Variants in VLDLR observed in about 807,000 individuals in gnomAD.
VLDLR encodes very low-density lipoprotein receptor.
VLDLR carries 81 observed loss-of-function variants against 112.7 expected under a neutral mutation model. The observed-to-expected ratio is 0.72, with a 90% CI of 0.60 to 0.86. VLDLR has a LOEUF of 0.86. VLDLR is among the 40% of genes least tolerant of loss of function. The pLI is 0.00. For synonymous variants in VLDLR, 436 were observed against 384.8 expected (o/e 1.13, Z -1.56); for missense variants, 1,237 against 1,099.4 (o/e 1.13, Z -1.77).
In VLDLR at chr9:2,641,451, T is replaced by C. The variant is rs1817819359; in HGVS notation, c.400T>C (p.Cys134Arg). 3 of 1,614,142 alleles carry C rather than the reference T, an allele frequency of 1.9e-6. No individual in the cohort carries two copies. The highest frequency in any genetic ancestry group is 2.5e-6 in the Non-Finnish European group (3 of 1,180,016). The part of the protein sequence containing the change: ...STQCIPVSWR[C>R]DGENDCDSGE... Reference sequence around the variant, plus strand: ...TCAGTGTATCCCAGTGTCCTGGAGATGTGATGGTGAAAATGATTGTGACAG... The same window carrying C: ...TCAGTGTATCCCAGTGTCCTGGAGACGTGATGGTGAAAATGATTGTGACAG... Residue 134 changes from cysteine to arginine, a missense_variant, in exon 4 of 19, where the codon TGT (cysteine) becomes CGT (arginine). By Grantham distance (180) the Cys-to-Arg change is radical. Coordinates refer to ENST00000382100, the MANE Select transcript of VLDLR (RefSeq NM_003383.5).
Position 2,650,419 on chromosome 9 carries a change from A to T in VLDLR, c.2154A>T (p.Leu718=), listed in dbSNP as rs746506982. 2 of 1,613,982 alleles carry T rather than the reference A, an allele frequency of 1.2e-6. No individual in the cohort carries two copies. Among genetic ancestry groups the T allele is most frequent in the African/African-American group, 1.3e-5 (1 of 74,894 alleles). The change falls in exon 15 of 19, where the codon CTA becomes CTT. Residue 718 remains leucine (L), a synonymous_variant. Coordinates refer to ENST00000382100, the MANE Select transcript of VLDLR (RefSeq NM_003383.5). The part of the protein sequence containing the change: ...EDMENGGCEY[L]CLPAPQINDH... ...TGGAGAATGGAGGATGTGAATACCT[A>T]TGCCTGCCAGCACCACAGATTAATG...
At chr9:2,646,265 C>A in intron 10 of VLDLR, 69 bp from the exon 11 acceptor site, 2 of 1,512,070 alleles carry the variant, frequency 1.3e-6, no homozygotes. Context: ...ATTTTGTAAG[C>A]AAAAAGTCCA....
chr9:2,647,726 A>T lies in VLDLR; in HGVS notation c.1822+134A>T, dbSNP rs867784743. On this transcript the variant is annotated intron_variant, in intron 12 of 18. Coordinates refer to ENST00000382100, the MANE Select transcript of VLDLR (RefSeq NM_003383.5). The stretch of plus-strand genomic sequence containing the variant: ...AATTCTAGCAGGAATTTTCAATGGG[A>T]GTAACTGAACAACACAAGTAAAATG... The T allele has an allele frequency of 4.9e-6, 4 of 814,962 alleles. No homozygotes were observed. The South Asian group carries it at 5.5e-5, about 11-fold the overall frequency. 50.5% of individuals were successfully genotyped at this position (814,962 alleles called of 1,614,324 possible). A position where few individuals can be genotyped will look rare whatever the true frequency, so the allele number is the denominator to read the frequency against.
rs760510442 is a variant in VLDLR at position 2,648,264 on chromosome 9, G to A, written c.1879G>A (p.Val627Met). 15 of 1,614,026 alleles carry A rather than the reference G, an allele frequency of 9.3e-6. No homozygotes were observed. The highest frequency in any genetic ancestry group is 1.6e-4 in the Middle Eastern group (1 of 6,084). The part of the protein sequence containing the change: ...LDSKLHMLSS[V>M]DLNGQDRRIV... Reference sequence around the variant, plus strand: ...TTCTAAGTTGCACATGTTATCCAGCGTGGACTTGAATGGCCAAGATCGTAG... The same window carrying A: ...TTCTAAGTTGCACATGTTATCCAGCATGGACTTGAATGGCCAAGATCGTAG... The change falls in exon 13 of 19, where the codon GTG (valine) becomes ATG (methionine). Residue 627 changes from valine (V) to methionine (M), a missense_variant. Physicochemically the swap from Val to Met is conservative, Grantham distance 21. Coordinates refer to ENST00000382100, the MANE Select transcript of VLDLR (RefSeq NM_003383.5).
At chr9:2,635,424 C>G (rs767157675) in intron 1 of VLDLR, 29 bp from the exon 2 acceptor site, 1 of 1,613,566 alleles carries the variant, frequency 6.2e-7, no homozygotes, top group South Asian at 1.1e-5. Context: ...CCAATCCTTG[C>G]TTTACCGAAT....
At position 2,633,051 on chromosome 9, in the gene VLDLR, A is replaced by AGAGAGT. The variant is rs1460780869; in HGVS notation, c.83-2401_83-2400insAGAGTG. Among the ~76,000 whole-genome samples the AGAGAGT allele has an allele frequency of 1.2e-4, 14 of 115,468 alleles. No homozygotes were observed. In the East Asian group the frequency reaches 2.0e-3, roughly 16 times the overall value. The allele number at this position is 115,468 out of a possible 152,430, so 75.8% of individuals were successfully genotyped here. A position where few individuals can be genotyped will look rare whatever the true frequency, so the allele number is the denominator to read the frequency against. On this transcript the variant is annotated intron_variant, in intron 1 of 18. Coordinates refer to ENST00000382100, the MANE Select transcript of VLDLR (RefSeq NM_003383.5). Reference sequence around the variant, plus strand: ...TTATTGGAGAGAGAGAGAGAGAGAGAGTGTGTGTGTGTGTGTGTGTGTGTG... The same window carrying AGAGAGT: ...TTATTGGAGAGAGAGAGAGAGAGAGAGAGAGTGTGTGTGTGTGTGTGTGTGTGTGTG...
At chr9:2,622,417 G>A in intron 1 of VLDLR, 146 bp downstream of exon 1, 1 of 688,418 alleles carries the variant, frequency 1.5e-6, no homozygotes, top group Non-Finnish European at 2.1e-6. Flanking sequence ...CTCCGTGGTG[G>A]CGCCTCTGAG....
chr9:2,652,752 C>T (rs1393349298), intron 17 of VLDLR, 28 bp from the exon 18 acceptor site: 15 of 1,613,862 alleles, frequency 9.3e-6, no homozygotes, highest in Non-Finnish European at 1.0e-5. Flanking sequence ...AGACTTAGCT[C>T]ACTTAGCTAC....
intron 1 of VLDLR, among the ~76,000 whole-genome samples, chr9:2,626,364 A>C (rs1447330349): frequency 3.3e-5 from 5 of 152,208 alleles, no homozygotes. Flanking sequence ...TCAGGTGTGG[A>C]ATTTCCACAC....
intron 2 of VLDLR, 71 bp from the exon 3 acceptor site, chr9:2,639,788 T>G (rs1817747573): frequency 6.8e-6 from 11 of 1,608,880 alleles, no homozygotes; most frequent in African/African-American, 4.0e-5. Flanking sequence ...AAATGCAGTA[T>G]GAGCCCTCAT....
At chr9:2,645,854 T>C in intron 10 of VLDLR, 109 bp downstream of exon 10, 1 of 1,257,640 alleles carries the variant, frequency 8.0e-7, no homozygotes, top group South Asian at 1.2e-5. Context: ...CCATCTAGCA[T>C]CGAATTACCT....
In VLDLR at chr9:2,643,470, TAAG is replaced by T; in HGVS notation, c.763_765del (p.Lys255del). 6.2e-7 allele frequency: 1 copy of T among 1,614,106 alleles called. No individual in the cohort carries two copies. The stretch of plus-strand genomic sequence containing the variant: ...AGTGCGGCTCTGGCGAGTGCATCCA[TAAG>T]AAGTGGCGATGTGATGGGGACCCTG... On this transcript the variant is annotated inframe_deletion, in exon 5 of 19. Coordinates refer to ENST00000382100, the MANE Select transcript of VLDLR (RefSeq NM_003383.5).
In VLDLR at chr9:2,654,829, G is replaced by C. The variant is rs1031437532; in HGVS notation, c.*961G>C. 2 of 152,106 alleles carry C rather than the reference G, an allele frequency of 1.3e-5. No homozygotes were observed. Among genetic ancestry groups the C allele is most frequent in the African/African-American group, 2.4e-5 (1 of 41,404 alleles). The allele number at this position is 152,106 out of a possible 1,614,324, so 9.4% of individuals were successfully genotyped here. ...GTTAAGTCTCTGTTTTCCATGTTCTGTCATTTATATAGGTCAAGGACAAGT... is the reference window on the plus strand; with the variant it reads ...GTTAAGTCTCTGTTTTCCATGTTCTCTCATTTATATAGGTCAAGGACAAGT... On this transcript the variant is annotated 3_prime_UTR_variant, in exon 19 of 19. Transcript: ENST00000382100.
At chr9:2,650,576 C>T in intron 15 of VLDLR, 60 bp downstream of exon 15, 9 of 1,602,322 alleles carry the variant, frequency 5.6e-6, no homozygotes, top group Non-Finnish European at 7.7e-6. Context: ...TAATAAGACA[C>T]AAGCTTGGAT....
At chr9:2,651,767 A>T (rs866387631) in intron 16 of VLDLR, 107 bp from the exon 17 acceptor site, 3 of 1,227,706 alleles carry the variant, frequency 2.4e-6, no homozygotes, top group Non-Finnish European at 3.6e-6. Context: ...TGTTGTAGAT[A>T]CTGAACATCA....
chr9:2,626,185 A>T (rs187183805), intron 1 of VLDLR, among the ~76,000 whole-genome samples: 1 of 152,372 alleles, frequency 6.6e-6, no homozygotes, highest in East Asian at 1.9e-4. Context: ...ATTTTGGGAC[A>T]TTCACACATA....
At position 2,643,320 on chromosome 9, in the gene VLDLR, C is replaced by T. The variant is rs751472894; in HGVS notation, c.609C>T (p.Ser203=). ...CCCATGAGTTCCAGTGCAGCACCTC[C>T]TCCTGCATCCCCATCAGCTGGGTAT... ...CGAHEFQCST[S]SCIPISWVCD... The change falls in exon 5 of 19, where the codon TCC becomes TCT. Residue 203 remains serine (S), a synonymous_variant. Coordinates refer to ENST00000382100, the MANE Select transcript of VLDLR (RefSeq NM_003383.5). 1.2e-6 allele frequency: 2 copies of T among 1,614,106 alleles called. 1 individual carries two copies. Among genetic ancestry groups the T allele is most frequent in the South Asian group, 2.2e-5 (2 of 91,090 alleles).
chr9:2,656,644 T>C lies in VLDLR; in HGVS notation c.*2776T>C, dbSNP rs935380544. On this transcript the variant is annotated 3_prime_UTR_variant, in exon 19 of 19. Transcript: ENST00000382100. ...ATTAAGAGGTAAAATATGAAGCTTATCATACACTAAAGGAGAATATTTGGA... is the reference window on the plus strand; with the variant it reads ...ATTAAGAGGTAAAATATGAAGCTTACCATACACTAAAGGAGAATATTTGGA... 3.9e-5 allele frequency: 6 copies of C among 151,990 alleles called. No individual in the cohort carries two copies. Among genetic ancestry groups the C allele is most frequent in the African/African-American group, 1.5e-4 (6 of 41,372 alleles). 9.4% of individuals were successfully genotyped at this position (151,990 alleles called of 1,614,324 possible). A position where few individuals can be genotyped will look rare whatever the true frequency, so the allele number is the denominator to read the frequency against.
At position 2,651,428 on chromosome 9, in the gene VLDLR, TGTGACTTACA is replaced by T; in HGVS notation, c.2270_2279del (p.Thr757ArgfsTer16). 3 of 1,613,952 alleles carry T rather than the reference TGTGACTTACA, an allele frequency of 1.9e-6. No individual in the cohort carries two copies. Among genetic ancestry groups the T allele is most frequent in the Non-Finnish European group, 2.5e-6 (3 of 1,179,896 alleles). ...TTTATAATTCAGGTACTGCAACTAC[TGTGACTTACA>T]GTGAGACAAAAGATACGAACACAAC... is the stretch of plus-strand genomic sequence containing the variant. On this transcript the variant is annotated frameshift_variant, in exon 16 of 19. Transcript: ENST00000382100. LOFTEE classifies it high-confidence loss of function.
Sources: allele counts gnomAD v4.1 joint callset (sites outside exome capture counted in the v4.1 genomes callset), GRCh38; gene constraint gnomAD v4.1.1; transcripts MANE v1.5; gene names NCBI Gene and HGNC (gene_info 2026-07-23, HGNC 2026-07-21).